The following TIAM1 variants were observed in gnomAD, a reference collection of about 807,000 sequenced individuals.
TIAM1 encodes the protein rho guanine nucleotide exchange factor TIAM1.
Under a neutral mutation model 163.5 loss-of-function variants are expected in TIAM1, and 65 were observed. The ratio of observed to expected loss-of-function variants is 0.40; its 90% CI spans 0.33 to 0.49. The LOEUF is 0.49. Among genes scored for constraint, TIAM1 ranks in the 20% least tolerant of loss-of-function variants. The pLI is 0.77. For missense variants in TIAM1, 1,789 were observed against 2,044.7 expected (o/e 0.87, Z 2.41); for synonymous variants, 833 against 810.1 (o/e 1.03, Z -0.48).
At chr21:31,377,837 GA>G (rs375197332) in intron 2 of TIAM1, among the ~76,000 whole-genome samples, 468 of 131,774 alleles carry the variant, frequency 3.6e-3, no homozygotes, top group African/African-American at 7.1e-3. Context: ...TGAGGAATAA[GA>G]AAAAAAAAAA....
At chr21:31,404,061 C>T (rs1280793156) in intron 2 of TIAM1, among the ~76,000 whole-genome samples, 1 of 152,140 alleles carries the variant, frequency 6.6e-6, no homozygotes, top group Non-Finnish European at 1.5e-5. Context: ...GAAATTGCAT[C>T]CATGATCTTT....
intron 15 of TIAM1, among the ~76,000 whole-genome samples, chr21:31,173,221 C>A (rs946571392): frequency 1.3e-5 from 2 of 151,812 alleles, no homozygotes; most frequent in Non-Finnish European, 2.9e-5. Flanking sequence ...GCAGACCCTC[C>A]AATTCAAACA....
chr21:31,153,211 A>G (rs562216431), intron 17 of TIAM1, 77 bp from the exon 18 acceptor site: 153 of 1,207,928 alleles, frequency 1.3e-4, no homozygotes, highest in Non-Finnish European at 1.7e-4. Context: ...TATAAAGCAT[A>G]TGTTAATGTC....
chr21:31,538,904 C>T (rs1483941149), intron 1 of TIAM1, among the ~76,000 whole-genome samples: 8 of 149,476 alleles, frequency 5.4e-5, no homozygotes, highest in Admixed American at 6.6e-5. Context: ...CCTGCACGGC[C>T]GCTCATTCCA....
At chr21:31,251,001 T>C (rs1353169155) in intron 5 of TIAM1, among the ~76,000 whole-genome samples, 1 of 152,256 alleles carries the variant, frequency 6.6e-6, no homozygotes, top group African/African-American at 2.4e-5. Flanking sequence ...CATGATGGTC[T>C]ATACAATCCA....
At chr21:31,471,386 G>A (rs980437169) in intron 1 of TIAM1, among the ~76,000 whole-genome samples, 3 of 152,026 alleles carry the variant, frequency 2.0e-5, no homozygotes, top group African/African-American at 7.2e-5. Context: ...GGCTGTTGTG[G>A]GGTCAAGGAG....
At chr21:31,550,671 T>C (rs529589668) in intron 1 of TIAM1, among the ~76,000 whole-genome samples, 9 of 152,034 alleles carry the variant, frequency 5.9e-5, no homozygotes, top group African/African-American at 2.2e-4. Flanking sequence ...AAACAATCTA[T>C]AGAGAAAACC....
chr21:31,534,848 A>T (rs1268418015), intron 1 of TIAM1, among the ~76,000 whole-genome samples: 1 of 152,190 alleles, frequency 6.6e-6, no homozygotes, highest in African/African-American at 2.4e-5. Flanking sequence ...AGGGCCAGGC[A>T]TGGTGCAAAC....
At chr21:31,472,077 C>T (rs745440376) in intron 1 of TIAM1, among the ~76,000 whole-genome samples, 23 of 151,952 alleles carry the variant, frequency 1.5e-4, no homozygotes, top group Non-Finnish European at 3.2e-4. Flanking sequence ...TGGGGAGCCT[C>T]GGTGGACACT....
chr21:31,448,953 T>C (rs1313507417), intron 2 of TIAM1, among the ~76,000 whole-genome samples: 1 of 152,112 alleles, frequency 6.6e-6, no homozygotes, highest in Non-Finnish European at 1.5e-5. Flanking sequence ...AGTGCCCACC[T>C]GCTAGGATTG....
chr21:31,433,820 C>A (rs1386885575), intron 2 of TIAM1, among the ~76,000 whole-genome samples: 1 of 150,898 alleles, frequency 6.6e-6, no homozygotes, highest in Non-Finnish European at 1.5e-5. Flanking sequence ...TTTTTTGAGA[C>A]GAAGTCTCGC....
chr21:31,418,466 G>T (rs906780753), intron 2 of TIAM1, among the ~76,000 whole-genome samples: 1 of 151,912 alleles, frequency 6.6e-6, no homozygotes, highest in African/African-American at 2.4e-5. Flanking sequence ...TTCAGGCAGG[G>T]ACTGAAAACA....
chr21:31,181,756 C>CTTTTTTTTTTTT lies in TIAM1; in HGVS notation c.2887+653_2887+664dup, dbSNP rs781153297. Among the ~76,000 whole-genome samples, 7 of 41,340 alleles carry CTTTTTTTTTTTT rather than the reference C, an allele frequency of 1.7e-4. 3 individuals carry two copies. Among genetic ancestry groups the CTTTTTTTTTTTT allele is most frequent in the Non-Finnish European group, 3.7e-4 (7 of 18,804 alleles). 27.1% of individuals were successfully genotyped at this position (41,340 alleles called of 152,430 possible). On this transcript the variant is annotated intron_variant, in intron 15 of 27. Coordinates refer to ENST00000541036, the MANE Select transcript of TIAM1 (RefSeq NM_001353694.2). The stretch of plus-strand genomic sequence containing the variant: ...CCCAGCACTTCTTCTTCTTCTTCTT[C>CTTTTTTTTTTTT]TTTTTTTTTTTTTTTTTTTTTTTTT...
chr21:31,286,390 C>T (rs901772001), intron 2 of TIAM1, among the ~76,000 whole-genome samples: 1 of 151,904 alleles, frequency 6.6e-6, no homozygotes, highest in African/African-American at 2.4e-5. Flanking sequence ...ATGGTAAGAC[C>T]TCATGTCTAT....
intron 1 of TIAM1, among the ~76,000 whole-genome samples, chr21:31,471,606 A>C (rs1296577909): frequency 6.6e-6 from 1 of 152,026 alleles, no homozygotes; most frequent in African/African-American, 2.4e-5. Flanking sequence ...AAGGTGGCTT[A>C]TACCTGTAAT....
At chr21:31,518,318 A>C (rs1371234455) in intron 1 of TIAM1, among the ~76,000 whole-genome samples, 1 of 151,220 alleles carries the variant, frequency 6.6e-6, no homozygotes, top group Non-Finnish European at 1.5e-5. Flanking sequence ...ATGAAGTTTC[A>C]CTCTTGTTGC....
chr21:31,252,048 C>G lies in TIAM1; in HGVS notation c.1105G>C (p.Asp369His), dbSNP rs1339760720. 1 of 1,614,060 alleles carries G rather than the reference C, an allele frequency of 6.2e-7. No individual in the cohort carries two copies. Among genetic ancestry groups the G allele is most frequent in the East Asian group, 2.2e-5 (1 of 44,872 alleles). ...PTTGRAFVGS[D>H]SGSSSTGDAA... ...TCCCCGGTGGAGCTGCTGCCGCTGT[C>G]GCTGCCCACAAAGGCCCGGCCTGTG... is the stretch of plus-strand genomic sequence containing the variant. The change falls in exon 5 of 28, where the codon GAC becomes CAC. Residue 369 changes from aspartate (D) to histidine (H), a missense_variant. By Grantham distance (81) the Asp-to-His change is moderately conservative (BLOSUM62 -1). Transcript: ENST00000541036.
chr21:31,547,343 G>A (rs2048533663), intron 1 of TIAM1, among the ~76,000 whole-genome samples: 1 of 152,102 alleles, frequency 6.6e-6, no homozygotes, highest in Non-Finnish European at 1.5e-5. Context: ...CTTACTTGAA[G>A]TCCACTGAAA....
intron 2 of TIAM1, among the ~76,000 whole-genome samples, chr21:31,414,674 G>A (rs1050495219): frequency 3.3e-5 from 5 of 152,316 alleles, no homozygotes; most frequent in Admixed American, 2.0e-4. Context: ...GCCTCTGAAG[G>A]ACAGGTGTCT....
Sources: gnomAD v4.1 joint callset for allele counts (sites outside exome capture counted in the v4.1 genomes callset) on GRCh38, gnomAD v4.1.1 for gene constraint, MANE v1.5 for transcripts, NCBI Gene and HGNC (gene_info 2026-07-23, HGNC 2026-07-21) for gene names.